ISM1: variants seen among roughly 807,000 people sequenced by gnomAD.
ISM1 encodes isthmin-1.
Under a neutral mutation model 46.3 loss-of-function variants are expected in ISM1, and 25 were observed. The observed-to-expected ratio is 0.54, with a 90% confidence interval of 0.39 to 0.75. The LOEUF is 0.75. Among genes scored for constraint, ISM1 ranks in the 30% least tolerant of loss-of-function variants. The probability of loss-of-function intolerance (pLI) is 0.00; values close to 1 mark genes in which losing one functional copy is unlikely to be tolerated. For missense variants in ISM1, 536 were observed against 625.4 expected (o/e 0.86, Z 1.52); for synonymous variants, 255 against 256.7 (o/e 0.99, Z 0.06).
intron 1 of ISM1, among the ~76,000 whole-genome samples, chr20:13,257,578 T>C (rs990609127): frequency 3.9e-5 from 6 of 152,160 alleles, no homozygotes; most frequent in African/African-American, 1.4e-4. Flanking sequence ...CTCGAATCAG[T>C]GATAATCCAT....
chr20:13,286,902 G>C (rs780332085), intron 3 of ISM1, among the ~76,000 whole-genome samples: 1 of 152,228 alleles, frequency 6.6e-6, no homozygotes, highest in Non-Finnish European at 1.5e-5. Flanking sequence ...TTAGCTCCAC[G>C]CTTGGCAGCA....
rs761583367 is a variant in ISM1, at chr20:13,279,795, C to T, written c.540C>T (p.Tyr180=). 7.4e-6 allele frequency: 12 copies of T among 1,614,016 alleles called. No individual in the cohort carries two copies. Among genetic ancestry groups the T allele is most frequent in the African/African-American group, 4.0e-5 (3 of 75,058 alleles). Residue 180 remains tyrosine (Y), a synonymous_variant, in exon 3 of 6, where the codon TAC becomes TAT. Coordinates refer to ENST00000262487, the MANE Select transcript of ISM1 (RefSeq NM_080826.2). The stretch of plus-strand genomic sequence containing the variant: ...ACAGCGGGGACCAGGACTACAAGTA[C>T]GACAGTACCTCAGACGACAGCAACT... ...RANSGDQDYK[Y]DSTSDDSNFL...
chr20:13,285,269 T>A (rs1475495766), intron 3 of ISM1, among the ~76,000 whole-genome samples: 2 of 151,862 alleles, frequency 1.3e-5, no homozygotes, highest in Admixed American at 1.3e-4. Context: ...CCAGCCTAGG[T>A]GACAGAGTGA....
chr20:13,267,074 T>C (rs538982024), intron 1 of ISM1, among the ~76,000 whole-genome samples: 1 of 152,348 alleles, frequency 6.6e-6, no homozygotes, highest in African/African-American at 2.4e-5. Flanking sequence ...TTGTTATTGA[T>C]TGAATAAAAC....
intron 5 of ISM1, among the ~76,000 whole-genome samples, chr20:13,295,367 A>G (rs1043387251): frequency 4.6e-5 from 7 of 152,212 alleles, no homozygotes; most frequent in Non-Finnish European, 8.8e-5. Context: ...CCTAAACTGA[A>G]CAAGATTGCC....
intron 1 of ISM1, among the ~76,000 whole-genome samples, chr20:13,233,211 CCTGGTATGGATTTTGAG>C (rs1222760310): frequency 6.6e-6 from 1 of 151,916 alleles, no homozygotes; most frequent in Admixed American, 6.6e-5. Context: ...GACATAGAAA[CCTGGTATGGATTTTGAG>C]CTCAACATGA....
At chr20:13,287,603 TTGA>T (rs1412201070) in intron 3 of ISM1, among the ~76,000 whole-genome samples, 1 of 152,216 alleles carries the variant, frequency 6.6e-6, no homozygotes, top group African/African-American at 2.4e-5. Context: ...TTTGTGTTTA[TTGA>T]TGATTGTTTC....
the ISM1 span, among the ~76,000 whole-genome samples, chr20:13,325,041 C>A: frequency 6.6e-6 from 1 of 152,264 alleles, no homozygotes; most frequent in Non-Finnish European, 1.5e-5. Context: ...AGAAACAAAT[C>A]AGAATGTTTC....
rs543182333 is a variant in ISM1 at position 13,291,528 on chromosome 20, A to C, written c.788-846A>C. ...GCAGGGAAGGCCAAGGCTCACCAGC[A>C]AATGTTACCACAGTGCCTCACTCCC... On this transcript the variant is annotated intron_variant, in intron 4 of 5. Transcript: ENST00000262487. Among the ~76,000 whole-genome samples the C allele has an allele frequency of 2.6e-5, 4 of 152,346 alleles. No homozygotes were observed. The South Asian group carries it at 8.3e-4, about 32-fold the overall frequency.
intron 1 of ISM1, among the ~76,000 whole-genome samples, chr20:13,265,677 A>G (rs2040035010): frequency 6.6e-6 from 1 of 152,194 alleles, no homozygotes; most frequent in Non-Finnish European, 1.5e-5. Context: ...TTGTGATAGT[A>G]TTTGGTTGGT....
chr20:13,248,462 G>C (rs375582015), intron 1 of ISM1, among the ~76,000 whole-genome samples: 3 of 152,250 alleles, frequency 2.0e-5, no homozygotes, highest in Non-Finnish European at 1.5e-5. Flanking sequence ...CTGACATACT[G>C]CTTCAAGATC....
chr20:13,324,821 C>T, the ISM1 span, among the ~76,000 whole-genome samples: 12 of 152,118 alleles, frequency 7.9e-5, no homozygotes, highest in South Asian at 2.1e-4. Flanking sequence ...GCTGGAAGCA[C>T]GCTTAGAAAT....
intron 2 of ISM1, among the ~76,000 whole-genome samples, chr20:13,275,320 G>A (rs1212112905): frequency 6.6e-6 from 1 of 152,098 alleles, no homozygotes; most frequent in East Asian, 1.9e-4. Context: ...ACAGTTGTAC[G>A]TGCTTCTACT....
intron 1 of ISM1, among the ~76,000 whole-genome samples, chr20:13,232,572 TA>T (rs894410094): frequency 3.8e-4 from 58 of 152,386 alleles, no homozygotes; most frequent in African/African-American, 1.4e-3. Flanking sequence ...TGGCAACTAT[TA>T]AAGATGCTGT....
At chr20:13,323,683 A>G in the ISM1 span, among the ~76,000 whole-genome samples, 3 of 152,214 alleles carry the variant, frequency 2.0e-5, no homozygotes, top group Non-Finnish European at 4.4e-5. Context: ...TTTCTTATAC[A>G]TGTCATGGAC....
rs1473043114 is a variant in ISM1 at position 13,286,831 on chromosome 20, A to C, written c.644-1709A>C. ...ACTACATTCCTGCTGGGCCTATGTA[A>C]TAACAATCGCCACGACCTGTTATGA... On this transcript the variant is annotated intron_variant, in intron 3 of 5. Coordinates refer to ENST00000262487, the MANE Select transcript of ISM1 (RefSeq NM_080826.2). 3.9e-5 allele frequency among the ~76,000 whole-genome samples: 6 copies of C among 152,336 alleles called. No homozygotes were observed. The East Asian group carries it at 9.7e-4, about 25-fold the overall frequency.
intron 1 of ISM1, among the ~76,000 whole-genome samples, chr20:13,247,526 G>C (rs1344949232): frequency 6.7e-6 from 1 of 149,352 alleles, no homozygotes; most frequent in Non-Finnish European, 1.5e-5. Flanking sequence ...GGGTGTGTGT[G>C]TGTGTGTGTG....
At position 13,288,555 on chromosome 20, in the gene ISM1, A is replaced by G; in HGVS notation, c.659A>G (p.Glu220Gly). The change falls in exon 4 of 6, where the codon GAG becomes GGG. Residue 220 changes from glutamate (E) to glycine (G), a missense_variant. Glu to Gly is a moderately conservative substitution (Grantham distance 98). Coordinates refer to ENST00000262487, the MANE Select transcript of ISM1 (RefSeq NM_080826.2). ...DQPEYDSTDG[E>G]GDWSLWSVCS... ...TGTCTTCCAGATTCCACAGATGGCG[A>G]GGGTGACTGGAGTCTCTGGTCTGTC... 4.3e-6 allele frequency: 7 copies of G among 1,613,808 alleles called. No homozygotes were observed. Among genetic ancestry groups the G allele is most frequent in the Non-Finnish European group, 5.9e-6 (7 of 1,179,794 alleles).
chr20:13,245,528 A>G (rs760039434), intron 1 of ISM1, among the ~76,000 whole-genome samples: 10 of 152,156 alleles, frequency 6.6e-5, no homozygotes, highest in Non-Finnish European at 1.3e-4. Context: ...TGTGTATTCC[A>G]GGAGATGGGG....
Sources: gnomAD v4.1 joint callset for allele counts (sites outside exome capture counted in the v4.1 genomes callset) on GRCh38, gnomAD v4.1.1 for gene constraint, MANE v1.5 for transcripts, NCBI Gene and HGNC (gene_info 2026-07-23, HGNC 2026-07-21) for gene names.